Variants in ZFAND3 observed in about 807,000 individuals in gnomAD.
The protein encoded by ZFAND3 is zinc finger AN1-type containing 3.
ZFAND3 carries 10 observed loss-of-function variants against 29.6 expected under a neutral mutation model. That is an observed-to-expected ratio of 0.34 (90% CI 0.21 to 0.57). ZFAND3 has a LOEUF of 0.57. ZFAND3 is among the 20% of genes least tolerant of loss of function. ZFAND3 has a pLI of 0.86. For missense variants in ZFAND3, 230 were observed against 304.5 expected, an observed-to-expected ratio of 0.76 and a Z score of 1.82; for synonymous variants, 128 against 112.6, an observed-to-expected ratio of 1.14 and a Z score of -0.87.
intron 2 of ZFAND3, among the ~76,000 whole-genome samples, chr6:37,955,351 A>C (rs923544288): frequency 1.3e-5 from 2 of 152,200 alleles, no homozygotes; most frequent in African/African-American, 4.8e-5. Flanking sequence ...TATGTTGTTT[A>C]GTTCTGAAAA....
intron 2 of ZFAND3, among the ~76,000 whole-genome samples, chr6:37,986,626 G>C (rs955826434): frequency 6.6e-6 from 1 of 152,064 alleles, no homozygotes; most frequent in African/African-American, 2.4e-5. Flanking sequence ...GCTTTATGTT[G>C]ACCTGGCTTT....
chr6:37,870,638 C>G (rs1764678610), intron 1 of ZFAND3, among the ~76,000 whole-genome samples: 1 of 150,218 alleles, frequency 6.7e-6, no homozygotes, highest in Non-Finnish European at 1.5e-5. Context: ...ACATGACCTT[C>G]CACTGTCTTT....
chr6:37,881,909 A>G (rs931555159), intron 1 of ZFAND3, among the ~76,000 whole-genome samples: 11 of 152,238 alleles, frequency 7.2e-5, no homozygotes, highest in African/African-American at 2.4e-4. Context: ...AACGAATTCA[A>G]AAACATTCCT....
chr6:37,937,423 GA>G (rs1761717697), intron 2 of ZFAND3, among the ~76,000 whole-genome samples: 1 of 152,098 alleles, frequency 6.6e-6, no homozygotes, highest in South Asian at 2.1e-4. Context: ...TTGGAAGGCT[GA>G]GGTGGGCGGA....
chr6:37,834,685 G>A (rs1489049077), intron 1 of ZFAND3, among the ~76,000 whole-genome samples: 4 of 148,048 alleles, frequency 2.7e-5, no homozygotes, highest in Non-Finnish European at 4.4e-5. Context: ...GACACTATAT[G>A]ATACATATGC....
intron 2 of ZFAND3, among the ~76,000 whole-genome samples, chr6:38,006,572 G>T (rs1248073919): frequency 6.6e-6 from 1 of 151,746 alleles, no homozygotes; most frequent in African/African-American, 2.4e-5. Flanking sequence ...AGTGGGCAGG[G>T]TGTACAAAAC....
intron 1 of ZFAND3, among the ~76,000 whole-genome samples, chr6:37,870,106 GATTTC>G (rs1292722275): frequency 6.6e-6 from 1 of 151,790 alleles, no homozygotes; most frequent in Non-Finnish European, 1.5e-5. Context: ...AGCATTTTCT[GATTTC>G]ATTTGTGATT....
At chr6:38,045,054 TTTTATTTATTTATTTATTTATTTA>T (rs3047087) in intron 2 of ZFAND3, among the ~76,000 whole-genome samples, 4 of 134,738 alleles carry the variant, frequency 3.0e-5, no homozygotes, top group Non-Finnish European at 3.2e-5. Flanking sequence ...GTGGAAATTC[TTTTATTTATTTATTTATTTATTTA>T]TTTATTTATT....
intron 2 of ZFAND3, among the ~76,000 whole-genome samples, chr6:37,997,053 G>A (rs1038396836): frequency 2.6e-5 from 4 of 152,162 alleles, no homozygotes; most frequent in Admixed American, 6.5e-5. Context: ...TTTGTGCCTG[G>A]CAGTGCCTTT....
chr6:37,985,425 C>T lies in ZFAND3; in HGVS notation c.112+55426C>T, dbSNP rs186237334. On this transcript the variant is annotated intron_variant, in intron 2 of 5. Coordinates refer to ENST00000287218, the MANE Select transcript of ZFAND3 (RefSeq NM_021943.3). ...GGCAGATAGCTTGAGCCCAGGGATT[C>T]GAGACCAGCCTGGGCAACATGGTGA... is the stretch of plus-strand genomic sequence containing the variant. 3.0e-3 allele frequency among the ~76,000 whole-genome samples: 450 copies of T among 151,906 alleles called. 4 individuals are homozygous for T. Among genetic ancestry groups the T allele is most frequent in the Admixed American group, 0.023 (353 of 15,278 alleles).
intron 2 of ZFAND3, among the ~76,000 whole-genome samples, chr6:37,966,829 AT>A (rs1184306308): frequency 6.6e-6 from 1 of 152,070 alleles, no homozygotes; most frequent in African/African-American, 2.4e-5. Flanking sequence ...ATGCCCCTTT[AT>A]TTCCTTCTGG....
chr6:38,100,613 ATGT>A (rs1362985272), intron 4 of ZFAND3, among the ~76,000 whole-genome samples: 1 of 152,164 alleles, frequency 6.6e-6, no homozygotes, highest in African/African-American at 2.4e-5. Context: ...AGCTACAAAC[ATGT>A]TGTCATGTAC....
chr6:37,926,255 C>A (rs1441702544), intron 1 of ZFAND3, among the ~76,000 whole-genome samples: 1 of 152,162 alleles, frequency 6.6e-6, no homozygotes, highest in Admixed American at 6.5e-5. Flanking sequence ...TAACAAATTA[C>A]CACAAAGTTG....
chr6:37,854,447 CTT>C (rs1329011021), intron 1 of ZFAND3, among the ~76,000 whole-genome samples: 2 of 152,108 alleles, frequency 1.3e-5, no homozygotes, highest in African/African-American at 4.8e-5. Context: ...TCCCTTTACT[CTT>C]TAGAGATTGT....
chr6:37,901,101 A>G (rs1413536659), intron 1 of ZFAND3, among the ~76,000 whole-genome samples: 1 of 152,118 alleles, frequency 6.6e-6, no homozygotes, highest in African/African-American at 2.4e-5. Flanking sequence ...GTGGTGTTAG[A>G]GGTGAGGGAG....
intron 2 of ZFAND3, among the ~76,000 whole-genome samples, chr6:37,943,752 A>G (rs1315593102): frequency 6.6e-6 from 1 of 152,182 alleles, no homozygotes; most frequent in Non-Finnish European, 1.5e-5. Context: ...TTTGAGTGGA[A>G]AGAATTTTAG....
chr6:38,024,210 C>A (rs1056928626), intron 2 of ZFAND3, among the ~76,000 whole-genome samples: 1 of 152,082 alleles, frequency 6.6e-6, no homozygotes, highest in African/African-American at 2.4e-5. Context: ...TGGGGGCTCA[C>A]GTCTGTAATC....
chr6:37,921,373 T>G (rs1324033691), intron 1 of ZFAND3, among the ~76,000 whole-genome samples: 3 of 150,992 alleles, frequency 2.0e-5, no homozygotes, highest in Non-Finnish European at 3.0e-5. Flanking sequence ...GCTGGTACTG[T>G]TTTTTTTTAT....
intron 2 of ZFAND3, among the ~76,000 whole-genome samples, chr6:37,992,289 AATG>A (rs1247747580): frequency 4.6e-5 from 7 of 152,306 alleles, no homozygotes; most frequent in South Asian, 2.1e-4. Flanking sequence ...ACTGAGAGAA[AATG>A]ATGATTTGGG....
Sources: allele counts gnomAD v4.1 joint callset (sites outside exome capture counted in the v4.1 genomes callset), GRCh38; gene constraint gnomAD v4.1.1; transcripts MANE v1.5; gene names NCBI Gene and HGNC (gene_info 2026-07-23, HGNC 2026-07-21).